PCDH9: variants seen among roughly 807,000 people sequenced by gnomAD.
The protein encoded by PCDH9 is protocadherin 9, also known as protocadherin-9.
Under a neutral mutation model 70.6 loss-of-function variants are expected in PCDH9, and 24 were observed. The observed-to-expected ratio is 0.34, with a 90% confidence interval of 0.25 to 0.48. PCDH9 has a LOEUF of 0.48. Ranked by LOEUF, PCDH9 falls within the 20% of genes least tolerant of loss-of-function variation. The pLI is 0.99. For synonymous variants in PCDH9, 562 were observed against 558.5 expected (o/e 1.01, Z -0.09); for missense variants, 1,281 against 1,503.6 (o/e 0.85, Z 2.45).
At chr13:66,950,277 A>G (rs2083157858) in intron 2 of PCDH9, among the ~76,000 whole-genome samples, 1 of 152,130 alleles carries the variant, frequency 6.6e-6, no homozygotes, top group Admixed American at 6.6e-5. Flanking sequence ...GCAAAATCAG[A>G]TAGAAGAATA....
At chr13:66,517,175 A>G (rs1293818117) in intron 4 of PCDH9, among the ~76,000 whole-genome samples, 1 of 152,184 alleles carries the variant, frequency 6.6e-6, no homozygotes, top group Admixed American at 6.6e-5. Context: ...GTAAAATACA[A>G]TATAGTTAAA....
intron 4 of PCDH9, among the ~76,000 whole-genome samples, chr13:66,400,040 C>T (rs1158947074): frequency 6.6e-6 from 1 of 152,122 alleles, no homozygotes; most frequent in Non-Finnish European, 1.5e-5. Context: ...CATTGTTAAC[C>T]CTCTAACAGC....
intron 4 of PCDH9, among the ~76,000 whole-genome samples, chr13:66,433,194 TATGAGA>T (rs1264808291): frequency 3.3e-5 from 5 of 151,998 alleles, no homozygotes; most frequent in Non-Finnish European, 7.4e-5. Context: ...AACCAAATTA[TATGAGA>T]CTAACTTGCA....
intron 2 of PCDH9, among the ~76,000 whole-genome samples, chr13:67,161,660 C>T (rs2087964538): frequency 6.6e-6 from 1 of 152,114 alleles, no homozygotes. Flanking sequence ...TAGAATGTAC[C>T]ACTCACAGTG....
chr13:66,735,534 T>G (rs1316683958), intron 3 of PCDH9, among the ~76,000 whole-genome samples: 1 of 152,070 alleles, frequency 6.6e-6, no homozygotes, highest in Non-Finnish European at 1.5e-5. Flanking sequence ...TATGAGCACA[T>G]TTAGAAAATA....
chr13:66,708,919 T>C (rs146383962), intron 3 of PCDH9, among the ~76,000 whole-genome samples: 162 of 152,302 alleles, frequency 1.1e-3, no homozygotes, highest in African/African-American at 3.6e-3. Context: ...GAGATGATTA[T>C]ACCACCCATA....
intron 4 of PCDH9, among the ~76,000 whole-genome samples, chr13:66,491,680 CCTTTTGTTATATTATCA>C (rs2138534892): frequency 6.6e-6 from 1 of 152,072 alleles, no homozygotes; most frequent in African/African-American, 2.4e-5. Flanking sequence ...TTCCTTTATT[CCTTTTGTTATATTATCA>C]CTTTCTCAGT....
chr13:66,993,990 G>A (rs2084055623), intron 2 of PCDH9, among the ~76,000 whole-genome samples: 1 of 151,916 alleles, frequency 6.6e-6, no homozygotes, highest in African/African-American at 2.4e-5. Context: ...GAGGACTAAA[G>A]GTACAAATAA....
chr13:66,939,812 G>A (rs754716188), intron 2 of PCDH9, among the ~76,000 whole-genome samples: 6 of 152,022 alleles, frequency 3.9e-5, no homozygotes, highest in African/African-American at 9.7e-5. Flanking sequence ...AAGGCTCAAC[G>A]TATAGGCGCA....
chr13:66,964,164 A>G (rs1030639694), intron 2 of PCDH9, among the ~76,000 whole-genome samples: 2 of 152,080 alleles, frequency 1.3e-5, no homozygotes, highest in Non-Finnish European at 2.9e-5. Context: ...CAGAGTAAGC[A>G]TTATACAGAC....
intron 2 of PCDH9, among the ~76,000 whole-genome samples, chr13:67,189,205 T>C (rs902583939): frequency 7.2e-6 from 1 of 138,422 alleles, no homozygotes; most frequent in Non-Finnish European, 1.6e-5. Flanking sequence ...TATACATATA[T>C]ACGTGTGTGT....
intron 2 of PCDH9, among the ~76,000 whole-genome samples, chr13:67,189,221 T>G (rs1391024199): frequency 6.6e-6 from 1 of 151,854 alleles, no homozygotes; most frequent in Non-Finnish European, 1.5e-5. Flanking sequence ...TGTGTGTGTG[T>G]GTGTGTATCT....
At chr13:66,844,148 C>T (rs776158303) in intron 3 of PCDH9, among the ~76,000 whole-genome samples, 4 of 152,006 alleles carry the variant, frequency 2.6e-5, no homozygotes, top group Non-Finnish European at 4.4e-5. Flanking sequence ...ATTCAAATTA[C>T]GATTTAATCC....
At chr13:66,675,659 G>A (rs955701441) in intron 3 of PCDH9, among the ~76,000 whole-genome samples, 6 of 152,084 alleles carry the variant, frequency 3.9e-5, no homozygotes, top group African/African-American at 1.2e-4. Flanking sequence ...CAATCATAAT[G>A]ATGTCTGCCT....
intron 2 of PCDH9, among the ~76,000 whole-genome samples, chr13:66,930,335 C>A (rs1169751367): frequency 1.3e-5 from 2 of 152,082 alleles, no homozygotes; most frequent in Admixed American, 6.6e-5. Context: ...CAATTTTGAT[C>A]TAGTACTTTC....
At chr13:67,150,176 G>A (rs2087623212) in intron 2 of PCDH9, among the ~76,000 whole-genome samples, 1 of 152,130 alleles carries the variant, frequency 6.6e-6, no homozygotes, top group Admixed American at 6.5e-5. Context: ...TGGGATAACA[G>A]GCATATGCCA....
At chr13:66,513,899 A>C (rs1959608657) in intron 4 of PCDH9, among the ~76,000 whole-genome samples, 1 of 152,070 alleles carries the variant, frequency 6.6e-6, no homozygotes, top group South Asian at 2.1e-4. Flanking sequence ...GTGGAGATTA[A>C]ATTTAAGAAC....
intron 4 of PCDH9, among the ~76,000 whole-genome samples, chr13:66,496,144 G>T (rs1455121729): frequency 1.3e-5 from 2 of 152,086 alleles, no homozygotes; most frequent in African/African-American, 4.8e-5. Context: ...TTATTAACTT[G>T]GTTGACCCGT....
At position 66,303,654 on chromosome 13, in the gene PCDH9, C is replaced by T. The variant is rs1382720793; in HGVS notation, c.*1001G>A. On this transcript the variant is annotated 3_prime_UTR_variant, in exon 5 of 5. Coordinates refer to ENST00000377865, the MANE Select transcript of PCDH9 (RefSeq NM_203487.3). ...TGCTAATTTTGATACATTAGTTTTA[C>T]ATGAGTGACAAGTACAGGATATTAT... 1.3e-5 allele frequency: 2 copies of T among 152,462 alleles called. No homozygotes were observed. The highest frequency in any genetic ancestry group is 4.8e-5 in the African/African-American group (2 of 41,424). 9.4% of individuals were successfully genotyped at this position (152,462 alleles called of 1,614,324 possible).
Sources: gnomAD v4.1 joint callset for allele counts (sites outside exome capture counted in the v4.1 genomes callset) on GRCh38, gnomAD v4.1.1 for gene constraint, MANE v1.5 for transcripts, NCBI Gene and HGNC (gene_info 2026-07-23, HGNC 2026-07-21) for gene names.